MYOM3: variants seen among roughly 807,000 people sequenced by gnomAD.
MYOM3 encodes the protein myomesin 3.
A neutral mutation model predicts 191.7 loss-of-function variants in MYOM3; 155 were observed. That is an observed-to-expected ratio of 0.81 (90% CI 0.71 to 0.92). The LOEUF is 0.92. Among genes scored for constraint, MYOM3 ranks in the 40% least tolerant of loss-of-function variants. The probability of loss-of-function intolerance (pLI) is 0.00; values close to 1 mark genes in which losing one functional copy is unlikely to be tolerated. For synonymous variants in MYOM3, 757 were observed against 762.9 expected, an observed-to-expected ratio of 0.99 and a Z score of 0.13; for missense variants, 1,889 against 1,890.6, an observed-to-expected ratio of 1.00 and a Z score of 0.02.
intron 9 of MYOM3, 81 bp downstream of exon 9, chr1:24,094,772 G>T: frequency 1.4e-6 from 2 of 1,399,616 alleles, no homozygotes; most frequent in South Asian, 1.4e-5. Context: ...GTCTCTGTCC[G>T]CTAGGGGTCC....
chr1:24,091,032 C>T (rs755913951), intron 11 of MYOM3, 36 bp from the exon 12 acceptor site: 8 of 1,607,292 alleles, frequency 5.0e-6, no homozygotes, highest in Middle Eastern at 1.7e-4. Flanking sequence ...AGCCCCTGCC[C>T]ACAATGCACA....
chr1:24,073,146 C>T (rs1643551460), intron 23 of MYOM3, among the ~76,000 whole-genome samples: 1 of 152,168 alleles, frequency 6.6e-6, no homozygotes, highest in African/African-American at 2.4e-5. Flanking sequence ...ATTATAATCC[C>T]TCTTTACGGG....
chr1:24,101,661 A>G (rs1643935380), intron 5 of MYOM3, among the ~76,000 whole-genome samples: 1 of 152,170 alleles, frequency 6.6e-6, no homozygotes, highest in East Asian at 1.9e-4. Flanking sequence ...CTGAGGCAGG[A>G]GGACTGCTTG....
At chr1:24,108,346 G>A in intron 2 of MYOM3, 130 bp downstream of exon 2, 1 of 1,041,392 alleles carries the variant, frequency 9.6e-7, no homozygotes, top group South Asian at 1.7e-5. Context: ...TCAGACAGGG[G>A]GTTCAGAAAG....
rs532854495 is a variant in MYOM3 at position 24,108,278 on chromosome 1, A to G, written c.161+198T>C. On this transcript the variant is annotated intron_variant, in intron 2 of 36. Coordinates refer to ENST00000374434, the MANE Select transcript of MYOM3 (RefSeq NM_152372.4). ...TCCTCAAACAGGGTTTCCAGAGGAC[A>G]GGGCTGTGCCTCTTCCATCACATGG... 1,264 of 737,682 alleles carry G rather than the reference A, an allele frequency of 1.7e-3. 9 individuals carry two copies. The highest frequency in any genetic ancestry group is 0.012 in the Middle Eastern group (31 of 2,562). 45.7% of individuals were successfully genotyped at this position (737,682 alleles called of 1,614,324 possible). A position where few individuals can be genotyped will look rare whatever the true frequency, so the allele number is the denominator to read the frequency against.
rs1391371962 is a variant in MYOM3 at position 24,082,146 on chromosome 1, C to T, written c.2135G>A (p.Gly712Glu). The T allele has an allele frequency of 6.2e-7, 1 of 1,613,472 alleles. No homozygotes were observed. Among genetic ancestry groups the T allele is most frequent in the African/African-American group, 1.3e-5 (1 of 75,018 alleles). ...APYGFALLNC[G>E]KNEMVIGWKP... is the part of the protein sequence containing the mutation. ...CCACCCAATGACCATTTCATTCTTC[C>T]CGCAGTTCAGGAGGGCAAAGCCATA... Residue 712 changes from glycine (G) to glutamate (E), a missense_variant, in exon 18 of 37, where the codon GGG becomes GAG. Physicochemically the swap from Gly to Glu is moderately conservative, Grantham distance 98. Transcript: ENST00000374434.
At chr1:24,059,999 T>C (rs1193482803) in intron 35 of MYOM3, among the ~76,000 whole-genome samples, 2 of 152,184 alleles carry the variant, frequency 1.3e-5, no homozygotes, top group Non-Finnish European at 2.9e-5. Context: ...CACCAACCCT[T>C]CACAGCTGGA....
At chr1:24,106,978 C>T in intron 4 of MYOM3, 95 bp downstream of exon 4, 1 of 1,297,392 alleles carries the variant, frequency 7.7e-7, no homozygotes, top group African/African-American at 1.5e-5. Flanking sequence ...TGGACTCTGC[C>T]CTGGATGTCC....
chr1:24,086,816 A>G lies in MYOM3; in HGVS notation c.1626T>C (p.Gly542=), dbSNP rs1373928194. The G allele has an allele frequency of 1.2e-6, 2 of 1,613,936 alleles. No homozygotes were observed. The highest frequency in any genetic ancestry group is 1.7e-5 in the Admixed American group (1 of 60,000). Residue 542 remains glycine (G), a synonymous_variant, in exon 15 of 37, where the codon GGT becomes GGC. Coordinates refer to ENST00000374434, the MANE Select transcript of MYOM3 (RefSeq NM_152372.4). ...AGCTGATGGCCTCCCAGGTGCCACT[A>G]CCTATGACTGACTGAAGAAACAGAG... ...LTYSLEKSVI[G]SGTWEAISSE... is the part of the protein sequence containing the mutation.
chr1:24,059,099 C>A, intron 35 of MYOM3, 120 bp from the exon 36 acceptor site: 2 of 706,698 alleles, frequency 2.8e-6, no homozygotes, highest in South Asian at 3.5e-5. Context: ...TTTCTATTTT[C>A]ATTATTTTGG....
At chr1:24,079,956 G>T in intron 20 of MYOM3, 60 bp downstream of exon 20, 1 of 1,451,626 alleles carries the variant, frequency 6.9e-7, no homozygotes, top group South Asian at 1.3e-5. Context: ...TTCCAGCTCT[G>T]ATGCTCTAGT....
In MYOM3 at chr1:24,086,639, G is replaced by T; in HGVS notation, c.1798+5C>A. ...CCTCCCCGACCCCCGGCATCAGGAGGGTACCTGGCGGGCCCCGCAAGGCGA... is the reference window on the plus strand; with the variant it reads ...CCTCCCCGACCCCCGGCATCAGGAGTGTACCTGGCGGGCCCCGCAAGGCGA... On this transcript the variant is annotated splice_donor_5th_base_variant and intron_variant, in intron 15 of 36. Transcript: ENST00000374434. The T allele has an allele frequency of 6.2e-7, 1 of 1,612,608 alleles. No individual in the cohort carries two copies. Among genetic ancestry groups the T allele is most frequent in the South Asian group, 1.1e-5 (1 of 90,938 alleles).
intron 29 of MYOM3, 73 bp downstream of exon 29, chr1:24,065,813 TCCCAG>T (rs1395357410): frequency 8.9e-7 from 1 of 1,124,966 alleles, no homozygotes; most frequent in Admixed American, 1.7e-5. Context: ...CTGCCCTGAC[TCCCAG>T]CCCAGAGCTC....
At chr1:24,081,267 A>G in intron 19 of MYOM3, 63 bp downstream of exon 19, 1 of 1,594,918 alleles carries the variant, frequency 6.3e-7, no homozygotes, top group Non-Finnish European at 8.6e-7. Context: ...CCTTCATCTC[A>G]TTGGGTAGGT....
At chr1:24,065,789 A>G (rs766651436) in intron 29 of MYOM3, 102 bp downstream of exon 29, 45 of 881,128 alleles carry the variant, frequency 5.1e-5, no homozygotes, top group East Asian at 2.6e-4. Context: ...ACTTGCATCA[A>G]CCTAGCCTCG....
chr1:24,068,502 T>A, intron 25 of MYOM3, 135 bp from the exon 26 acceptor site: 1 of 1,024,918 alleles, frequency 9.8e-7, no homozygotes, highest in Non-Finnish European at 1.4e-6. Context: ...GGCCGTTGGG[T>A]AACCCTCTGC....
At chr1:24,067,115 C>T (rs777010101) in intron 27 of MYOM3, 27 bp from the exon 28 acceptor site, 156 of 1,560,086 alleles carry the variant, frequency 1.0e-4, no homozygotes, top group Non-Finnish European at 1.3e-4. Flanking sequence ...AATGTGCCCA[C>T]TGTCAGAGAG....
chr1:24,095,420 C>T (rs374931531), intron 8 of MYOM3, 22 bp downstream of exon 8: 35 of 1,608,824 alleles, frequency 2.2e-5, no homozygotes, highest in Admixed American at 3.4e-5. Flanking sequence ...TCCCAGGTCC[C>T]GTTCTCCCCC....
chr1:24,105,883 C>CA (rs766282211), intron 5 of MYOM3, 37 bp downstream of exon 5: 7 of 1,561,746 alleles, frequency 4.5e-6, no homozygotes, highest in Non-Finnish European at 5.2e-6. Flanking sequence ...CTTGTGACCC[C>CA]AGAGGCCCAG....
Sources: allele counts gnomAD v4.1 joint callset (sites outside exome capture counted in the v4.1 genomes callset), GRCh38; gene constraint gnomAD v4.1.1; transcripts MANE v1.5; gene names NCBI Gene and HGNC (gene_info 2026-07-23, HGNC 2026-07-21).